The following APBB1IP variants were observed in gnomAD, a reference collection of about 807,000 sequenced individuals.
The protein encoded by APBB1IP is amyloid beta precursor protein binding family B member 1 interacting protein, also known as amyloid beta A4 precursor protein-binding family B member 1-interacting protein.
In APBB1IP, 27 loss-of-function variants were observed where a neutral mutation model predicts 64.9. The ratio of observed to expected loss-of-function variants is 0.42; its 90% CI spans 0.31 to 0.57. The LOEUF (loss-of-function observed/expected upper bound fraction) is 0.57, where lower values mean the gene tolerates loss of function less well. APBB1IP is among the 20% of genes least tolerant of loss of function. The pLI is 0.20. For missense variants in APBB1IP, 812 were observed against 845.5 expected, an observed-to-expected ratio of 0.96 and a Z score of 0.49; for synonymous variants, 392 against 331.0, an observed-to-expected ratio of 1.18 and a Z score of -2.00.
In APBB1IP at chr10:26,492,356, A is replaced by G. The variant is rs368909883; in HGVS notation, c.30A>G (p.Gln10=). The G allele has an allele frequency of 3.1e-6, 5 of 1,613,848 alleles. No individual in the cohort carries two copies. The African/African-American group carries it at 4.0e-5, about 13-fold the overall frequency. Reference sequence around the variant, plus strand: ...GTGAGTCAAGTGAAGACATAGACCAAATGTTCAGCACTTTGCTGGGAGAGA... The same window carrying G: ...GTGAGTCAAGTGAAGACATAGACCAGATGTTCAGCACTTTGCTGGGAGAGA... The part of the protein sequence containing the change: MGESSEDID[Q]MFSTLLGEMD... Residue 10 remains glutamine (Q), a synonymous_variant, in exon 3 of 15, where the codon CAA becomes CAG. Transcript: ENST00000376236.
At chr10:26,534,686 C>A (rs140886227) in intron 9 of APBB1IP, among the ~76,000 whole-genome samples, 16 of 152,182 alleles carry the variant, frequency 1.1e-4, no homozygotes, top group Non-Finnish European at 1.9e-4. Context: ...GCTGCCACCC[C>A]CCAGATGCTG....
intron 10 of APBB1IP, among the ~76,000 whole-genome samples, chr10:26,538,692 TAAAAG>T (rs1439793620): frequency 6.6e-6 from 1 of 151,512 alleles, no homozygotes; most frequent in African/African-American, 2.4e-5. Flanking sequence ...ACCATGTTGC[TAAAAG>T]AAAAGTTATT....
At chr10:26,517,164 G>T (rs1321805151) in intron 8 of APBB1IP, among the ~76,000 whole-genome samples, 1 of 152,198 alleles carries the variant, frequency 6.6e-6, no homozygotes, top group Non-Finnish European at 1.5e-5. Context: ...GGGATGGCAT[G>T]TCTTTCAGTC....
intron 2 of APBB1IP, among the ~76,000 whole-genome samples, chr10:26,446,222 G>A (rs1338191817): frequency 6.6e-6 from 1 of 152,162 alleles, no homozygotes; most frequent in African/African-American, 2.4e-5. Flanking sequence ...ACAAATTCAT[G>A]CATCTCTGTT....
chr10:26,455,304 C>T (rs534207971), intron 2 of APBB1IP, among the ~76,000 whole-genome samples: 2 of 152,048 alleles, frequency 1.3e-5, no homozygotes, highest in South Asian at 2.1e-4. Context: ...CCGAGGCGGG[C>T]GGATCACAAG....
chr10:26,511,737 C>T lies in APBB1IP; in HGVS notation c.532-10C>T. ...GAAATTTACTGGCTGCCCCATGGTT[C>T]TATCCTCAGCTCGTCGTCAAGGTGC... On this transcript the variant is annotated splice_polypyrimidine_tract_variant and intron_variant, in intron 6 of 14. Transcript: ENST00000376236. The T allele has an allele frequency of 1.2e-6, 2 of 1,613,988 alleles. No homozygotes were observed. Among genetic ancestry groups the T allele is most frequent in the South Asian group, 2.2e-5 (2 of 91,066 alleles).
chr10:26,495,964 T>A (rs1168441872), intron 3 of APBB1IP, among the ~76,000 whole-genome samples: 1 of 130,074 alleles, frequency 7.7e-6, no homozygotes, highest in Non-Finnish European at 1.5e-5. Context: ...TTATATATAT[T>A]TAATATATAT....
intron 11 of APBB1IP, among the ~76,000 whole-genome samples, chr10:26,555,975 C>A (rs1836890079): frequency 6.6e-6 from 1 of 152,180 alleles, no homozygotes; most frequent in African/African-American, 2.4e-5. Flanking sequence ...CAAACAGGAC[C>A]TTGGTTCTTT....
chr10:26,490,399 C>T lies in APBB1IP; in HGVS notation c.1-1928C>T, dbSNP rs1045207292. On this transcript the variant is annotated intron_variant, in intron 2 of 14. Transcript: ENST00000376236. ...CAGCATTTTGGGAAGCAGAGGCGGG[C>T]GGATCACCTGAGGTCAGGAGTTTCA... Among the ~76,000 whole-genome samples, 324 of 151,910 alleles carry T rather than the reference C, an allele frequency of 2.1e-3. 1 individual carries two copies. The highest frequency in any genetic ancestry group is 7.3e-3 in the African/African-American group (304 of 41,460).
intron 8 of APBB1IP, among the ~76,000 whole-genome samples, chr10:26,529,641 T>C (rs1017601549): frequency 1.4e-4 from 21 of 152,104 alleles, no homozygotes; most frequent in East Asian, 1.9e-4. Flanking sequence ...TTTTTTCTTT[T>C]AATTTTTCCT....
chr10:26,444,939 A>G (rs759134015), intron 2 of APBB1IP, among the ~76,000 whole-genome samples: 5 of 152,044 alleles, frequency 3.3e-5, no homozygotes, highest in Non-Finnish European at 7.4e-5. Context: ...CTCTGCTAAA[A>G]ATACAAAAAT....
At position 26,493,906 on chromosome 10, in the gene APBB1IP, G is replaced by A. The variant is rs187030185; in HGVS notation, c.72+1508G>A. Among the ~76,000 whole-genome samples the A allele has an allele frequency of 2.6e-3, 402 of 152,154 alleles. 1 individual carries two copies. The highest frequency in any genetic ancestry group is 6.8e-3 in the Middle Eastern group (2 of 294). On this transcript the variant is annotated intron_variant, in intron 3 of 14. Coordinates refer to ENST00000376236, the MANE Select transcript of APBB1IP (RefSeq NM_019043.4). Reference sequence around the variant, plus strand: ...GGCTGGAGTGCAGTGGCACAATCACGGTTCACTGCAGCCTCAACCTCTTGG... The same window carrying A: ...GGCTGGAGTGCAGTGGCACAATCACAGTTCACTGCAGCCTCAACCTCTTGG...
chr10:26,541,295 C>T (rs1486467245), intron 10 of APBB1IP, among the ~76,000 whole-genome samples: 1 of 152,190 alleles, frequency 6.6e-6, no homozygotes, highest in Non-Finnish European at 1.5e-5. Flanking sequence ...TCATCTCAAA[C>T]ATTTATCATT....
Position 26,450,678 on chromosome 10 carries a change from G to A in APBB1IP, c.-1+11825G>A, listed in dbSNP as rs77899154. On this transcript the variant is annotated intron_variant, in intron 2 of 14. Transcript: ENST00000376236. ...GTTGTTCCCTGACCCCTGCCCTCCT[G>A]GAACTCAGATTCTTTTTTTTTTTTT... 7.3e-3 allele frequency among the ~76,000 whole-genome samples: 1,073 copies of A among 146,188 alleles called. 12 individuals carry two copies. The highest frequency in any genetic ancestry group is 0.026 in the African/African-American group (1,014 of 39,370).
intron 10 of APBB1IP, among the ~76,000 whole-genome samples, chr10:26,537,833 G>A (rs1836646723): frequency 1.3e-5 from 2 of 151,692 alleles, no homozygotes; most frequent in South Asian, 4.2e-4. Flanking sequence ...GCTGGGGAGG[G>A]TGAGGCACGG....
chr10:26,548,864 A>C (rs1015387630), intron 11 of APBB1IP, among the ~76,000 whole-genome samples: 19 of 152,154 alleles, frequency 1.2e-4, no homozygotes, highest in African/African-American at 4.1e-4. Flanking sequence ...TCTCGCTAAG[A>C]GTTCCAGTAC....
chr10:26,524,955 C>CTTTCTT (rs747655095), intron 8 of APBB1IP, among the ~76,000 whole-genome samples: 31 of 73,952 alleles, frequency 4.2e-4, no homozygotes, highest in Admixed American at 8.5e-4. Flanking sequence ...TTCTTTCTTT[C>CTTTCTT]TTTTTTTTTT....
chr10:26,490,425 G>C (rs1336983580), intron 2 of APBB1IP, among the ~76,000 whole-genome samples: 1 of 152,094 alleles, frequency 6.6e-6, no homozygotes, highest in Admixed American at 6.5e-5. Context: ...AGGAGTTTCA[G>C]ACCACCCTGG....
Position 26,504,341 on chromosome 10 carries a change from A to G in APBB1IP, c.531+1067A>G, listed in dbSNP as rs534477401. 1.2e-4 allele frequency among the ~76,000 whole-genome samples: 19 copies of G among 152,354 alleles called. 1 individual carries two copies. The highest frequency in any genetic ancestry group is 4.1e-4 in the African/African-American group (17 of 41,588). Reference sequence around the variant, plus strand: ...CAGAGTATAGGTTTTTGAAGAACACATGTATTGTATTGTAACAGCAGATAC... The same window carrying G: ...CAGAGTATAGGTTTTTGAAGAACACGTGTATTGTATTGTAACAGCAGATAC... On this transcript the variant is annotated intron_variant, in intron 6 of 14. Coordinates refer to ENST00000376236, the MANE Select transcript of APBB1IP (RefSeq NM_019043.4).
Sources: gnomAD v4.1 joint callset for allele counts (sites outside exome capture counted in the v4.1 genomes callset) on GRCh38, gnomAD v4.1.1 for gene constraint, MANE v1.5 for transcripts, NCBI Gene and HGNC (gene_info 2026-07-23, HGNC 2026-07-21) for gene names.